Variants in RNF157 observed in about 807,000 individuals in gnomAD.
RNF157 encodes the protein ring finger protein 157, also known as E3 ubiquitin ligase RNF157.
In RNF157, 55 loss-of-function variants were observed where a neutral mutation model predicts 88.3. The ratio of observed to expected loss-of-function variants is 0.62; its 90% CI spans 0.50 to 0.78. The LOEUF (loss-of-function observed/expected upper bound fraction) is 0.78. Ranked by LOEUF, RNF157 falls within the 30% of genes least tolerant of loss-of-function variation. RNF157 has a pLI of 0.00. For missense variants in RNF157, 788 were observed against 860.8 expected (o/e 0.92, Z 1.06); for synonymous variants, 334 against 341.2 (o/e 0.98, Z 0.23).
intron 1 of RNF157, among the ~76,000 whole-genome samples, chr17:76,216,592 A>AAAT (rs367862624): frequency 0.025 from 3,848 of 151,790 alleles, 182 homozygotes; most frequent in African/African-American, 0.088. Context: ...GTATATTTAA[A>AAAT]AATAATAATA....
intron 3 of RNF157, among the ~76,000 whole-genome samples, chr17:76,169,692 G>A (rs777774824): frequency 1.3e-5 from 2 of 150,212 alleles, no homozygotes; most frequent in Non-Finnish European, 3.0e-5. Context: ...TGATTCTCCC[G>A]TCTCAGCCTC....
In RNF157 at chr17:76,144,184, C is replaced by T. The variant is rs2068551245; in HGVS notation, c.*1051G>A. ...CACTCCTCACCCAGTGCTTGGCACA[C>T]AGAGGTGGTCAACACATGTGTTTCT... On this transcript the variant is annotated 3_prime_UTR_variant, in exon 19 of 19. Coordinates refer to ENST00000269391, the MANE Select transcript of RNF157 (RefSeq NM_052916.3). 1 of 152,228 alleles carries T rather than the reference C, an allele frequency of 6.6e-6. No individual in the cohort carries two copies. 9.4% of individuals were successfully genotyped at this position (152,228 alleles called of 1,614,324 possible). A position where few individuals can be genotyped will look rare whatever the true frequency, so the allele number is the denominator to read the frequency against.
intron 1 of RNF157, among the ~76,000 whole-genome samples, chr17:76,216,563 A>G (rs1472322286): frequency 6.6e-6 from 1 of 150,926 alleles, no homozygotes; most frequent in Non-Finnish European, 1.5e-5. Flanking sequence ...CCTAGGCAAC[A>G]TGGTGAGGCT....
chr17:76,161,810 A>G lies in RNF157; in HGVS notation c.952+33T>C. ...TAAATGTCCTCTTGTCCCCTCTCCCACCCACCAGTCCCCCTGCCGCTCTGG... is the reference window on the plus strand; with the variant it reads ...TAAATGTCCTCTTGTCCCCTCTCCCGCCCACCAGTCCCCCTGCCGCTCTGG... On this transcript the variant is annotated intron_variant, in intron 10 of 18. Coordinates refer to ENST00000269391, the MANE Select transcript of RNF157 (RefSeq NM_052916.3). The surrounding 1 kb of genome is among the most constrained non-coding windows in gnomAD (Gnocchi z 4.6). 1 of 1,605,848 alleles carries G rather than the reference A, an allele frequency of 6.2e-7. No individual in the cohort carries two copies. The highest frequency in any genetic ancestry group is 1.3e-5 in the African/African-American group (1 of 74,828).
chr17:76,153,025 T>C (rs940352153), intron 17 of RNF157: 5 of 152,408 alleles, frequency 3.3e-5, no homozygotes, highest in Admixed American at 1.3e-4. Context: ...TTATTTTCAG[T>C]GTGTTTTAAG....
chr17:76,237,436 C>T (rs189844009), intron 1 of RNF157, among the ~76,000 whole-genome samples: 74 of 152,358 alleles, frequency 4.9e-4, no homozygotes, highest in Non-Finnish European at 9.0e-4. Context: ...CTGCCACTTG[C>T]TTTGTTCCAC....
At position 76,161,742 on chromosome 17, in the gene RNF157, T is replaced by C; in HGVS notation, c.953-95A>G. ...AAACCATGATCCCTCCCAGCGCGCA[T>C]CCGTTTGTCAGATCCAGCAGCAGCA... On this transcript the variant is annotated intron_variant, in intron 10 of 18. Coordinates refer to ENST00000269391, the MANE Select transcript of RNF157 (RefSeq NM_052916.3). The surrounding 1 kb of genome is among the most constrained non-coding windows in gnomAD (Gnocchi z 4.6). 1 of 1,524,346 alleles carries C rather than the reference T, an allele frequency of 6.6e-7. No individual in the cohort carries two copies. The highest frequency in any genetic ancestry group is 1.2e-5 in the South Asian group (1 of 85,466). The allele number at this position is 1,524,346 out of a possible 1,614,324, so 94.4% of individuals were successfully genotyped here. A position where few individuals can be genotyped will look rare whatever the true frequency, so the allele number is the denominator to read the frequency against.
intron 2 of RNF157, chr17:76,212,069 A>T (rs1423655882): frequency 9.1e-6 from 2 of 219,014 alleles, no homozygotes; most frequent in Non-Finnish European, 1.8e-5. Context: ...TGAAGAAAAA[A>T]AAAAAAGGTA....
rs1171906134 is a variant in RNF157, at chr17:76,144,626, C to T, written c.*609G>A. 1 of 152,292 alleles carries T rather than the reference C, an allele frequency of 6.6e-6. No homozygotes were observed. The highest frequency in any genetic ancestry group is 2.4e-5 in the African/African-American group (1 of 41,452). The allele number at this position is 152,292 out of a possible 1,614,324, so 9.4% of individuals were successfully genotyped here. On this transcript the variant is annotated 3_prime_UTR_variant, in exon 19 of 19. Transcript: ENST00000269391. ...CCGGCCAAGAGCTCCTTCTTAACCG[C>T]ACAGGCATGTGAGGCCCAGAAGACT...
At chr17:76,174,087 A>C (rs998033003) in intron 2 of RNF157, among the ~76,000 whole-genome samples, 12 of 151,944 alleles carry the variant, frequency 7.9e-5, no homozygotes, top group Non-Finnish European at 7.4e-5. Context: ...AAAAAAAAAA[A>C]CCGCTGAAGT....
chr17:76,162,515 T>C, intron 9 of RNF157, 37 bp downstream of exon 9: 1 of 1,528,142 alleles, frequency 6.5e-7, no homozygotes, highest in Non-Finnish European at 9.1e-7. Context: ...CTTGGCCTCC[T>C]GGAAAGAGTA....
intron 2 of RNF157, among the ~76,000 whole-genome samples, chr17:76,177,543 G>A (rs557292348): frequency 6.6e-6 from 1 of 152,158 alleles, no homozygotes; most frequent in South Asian, 2.1e-4. Flanking sequence ...AGAGGCGAGG[G>A]GGTGCTGAGG....
chr17:76,194,833 G>A (rs901915282), intron 2 of RNF157, among the ~76,000 whole-genome samples: 5 of 152,060 alleles, frequency 3.3e-5, no homozygotes, highest in African/African-American at 7.3e-5. Flanking sequence ...GGCTAACATG[G>A]TGAAACCCCG....
At position 76,239,350 on chromosome 17, in the gene RNF157, G is replaced by A. The variant is rs554425034; in HGVS notation, c.88+803C>T. ...CCAATGCTGATACCACAATCCAGAG[G>A]CTAGAGACATTTAAGTGAAGGGATG... On this transcript the variant is annotated intron_variant, in intron 1 of 18. Coordinates refer to ENST00000269391, the MANE Select transcript of RNF157 (RefSeq NM_052916.3). 7.6e-4 allele frequency among the ~76,000 whole-genome samples: 115 copies of A among 152,180 alleles called. 2 individuals are homozygous for A. Among genetic ancestry groups the A allele is most frequent in the African/African-American group, 2.0e-3 (82 of 41,522 alleles).
In RNF157 at chr17:76,160,095, C is replaced by T. The variant is rs1274951185; in HGVS notation, c.1066-522G>A. Among the ~76,000 whole-genome samples, 1 of 152,220 alleles carries T rather than the reference C, an allele frequency of 6.6e-6. No homozygotes were observed. Among genetic ancestry groups the T allele is most frequent in the Non-Finnish European group, 1.5e-5 (1 of 68,036 alleles). ...ATGGCCTCCCAAAGTGCTAGGATTACAGATGTAAGCCACCATGCCTGGCCA... is the reference window on the plus strand; with the variant it reads ...ATGGCCTCCCAAAGTGCTAGGATTATAGATGTAAGCCACCATGCCTGGCCA... On this transcript the variant is annotated intron_variant, in intron 11 of 18. Coordinates refer to ENST00000269391, the MANE Select transcript of RNF157 (RefSeq NM_052916.3). This position sits in a 1 kb window ranked among gnomAD's most constrained non-coding sequence, Gnocchi z 4.3.
intron 17 of RNF157, chr17:76,152,675 G>C (rs1011824559): frequency 3.9e-6 from 2 of 506,892 alleles, no homozygotes; most frequent in African/African-American, 3.9e-5. Context: ...TGTTTCCCTA[G>C]AGCCCTTTCT....
chr17:76,212,860 C>G (rs1054990998), intron 1 of RNF157, among the ~76,000 whole-genome samples: 2 of 151,782 alleles, frequency 1.3e-5, no homozygotes, highest in African/African-American at 4.8e-5. Context: ...GACTCTGTTT[C>G]AAAAAAACAA....
At chr17:76,150,725 A>AATTT (rs1312005875) in intron 18 of RNF157, among the ~76,000 whole-genome samples, 1 of 152,236 alleles carries the variant, frequency 6.6e-6, no homozygotes, top group Non-Finnish European at 1.5e-5. Flanking sequence ...GTAAAGCAGA[A>AATTT]ATTAATACAG....
chr17:76,161,674 G>C lies in RNF157; in HGVS notation c.953-27C>G, dbSNP rs1453298253. 3.1e-6 allele frequency: 5 copies of C among 1,592,024 alleles called. No individual in the cohort carries two copies. In the African/African-American group the frequency reaches 6.7e-5, roughly 21 times the overall value. On this transcript the variant is annotated intron_variant, in intron 10 of 18. Transcript: ENST00000269391. The surrounding 1 kb of genome is among the most constrained non-coding windows in gnomAD (Gnocchi z 4.6). ...TGTGAAGGAGAAAACAGGCAATCAG[G>C]ACATCCTGATACAGGATTAAGAATG... is the stretch of plus-strand genomic sequence containing the variant.
Sources: allele counts gnomAD v4.1 joint callset (sites outside exome capture counted in the v4.1 genomes callset), GRCh38; gene constraint gnomAD v4.1.1; non-coding constraint Gnocchi (gnomAD v3.1); transcripts MANE v1.5; gene names NCBI Gene and HGNC (gene_info 2026-07-23, HGNC 2026-07-21).